The following TMEM117 variants were observed in gnomAD, a reference collection of about 807,000 sequenced individuals.
TMEM117 encodes transmembrane protein 117.
TMEM117 carries 27 observed loss-of-function variants against 52.4 expected under a neutral mutation model. That is an observed-to-expected ratio of 0.51 (90% confidence interval 0.38 to 0.71). The LOEUF (loss-of-function observed/expected upper bound fraction) is 0.71. TMEM117 is among the 30% of genes least tolerant of loss of function. TMEM117 has a pLI of 0.00. For synonymous variants in TMEM117, 215 were observed against 206.3 expected (o/e 1.04, Z -0.36); for missense variants, 556 against 630.5 (o/e 0.88, Z 1.26).
chr12:43,797,228 A>G, the TMEM117 span: 38 of 1,492,892 alleles, frequency 2.5e-5, no homozygotes, highest in Admixed American at 2.0e-4. Flanking sequence ...TGGGCAAGAA[A>G]TAAGTAAGAA....
At chr12:43,932,349 T>C (rs1944884812) in intron 2 of TMEM117, among the ~76,000 whole-genome samples, 1 of 151,726 alleles carries the variant, frequency 6.6e-6, no homozygotes, top group Non-Finnish European at 1.5e-5. Context: ...TTTTTTTTTT[T>C]TTTTCAGAAC....
intron 3 of TMEM117, among the ~76,000 whole-genome samples, chr12:43,947,301 C>T (rs562507746): frequency 5.3e-5 from 8 of 152,208 alleles, no homozygotes; most frequent in African/African-American, 1.9e-4. Context: ...TGTTACTGCA[C>T]TCCAGCCTGG....
intron 2 of TMEM117, among the ~76,000 whole-genome samples, chr12:43,878,324 C>T (rs76379399): frequency 0.015 from 2,249 of 151,978 alleles, 25 homozygotes; most frequent in Non-Finnish European, 0.022. Context: ...TAAACTGTTG[C>T]GATTTCTCAA....
At chr12:44,067,080 A>G (rs1448609431) in intron 3 of TMEM117, among the ~76,000 whole-genome samples, 1 of 148,876 alleles carries the variant, frequency 6.7e-6, no homozygotes, top group Non-Finnish European at 1.5e-5. Context: ...GCTCATTTAT[A>G]AGAAGCAACT....
the TMEM117 span, among the ~76,000 whole-genome samples, chr12:43,820,423 GC>G: frequency 6.6e-6 from 1 of 152,080 alleles, no homozygotes; most frequent in African/African-American, 2.4e-5. Flanking sequence ...ACAGACGCCG[GC>G]CACCACGCCC....
intron 3 of TMEM117, among the ~76,000 whole-genome samples, chr12:43,954,038 C>G (rs185437748): frequency 1.6e-3 from 249 of 152,306 alleles, no homozygotes; most frequent in African/African-American, 5.7e-3. Flanking sequence ...ATTGAACAAC[C>G]TGTTCCTGAA....
intron 6 of TMEM117, among the ~76,000 whole-genome samples, chr12:44,312,110 T>C (rs1353221397): frequency 6.6e-6 from 1 of 151,878 alleles, no homozygotes; most frequent in Non-Finnish European, 1.5e-5. Flanking sequence ...GTTTGTTACA[T>C]GAGTATATTG....
rs1949197275 is a variant in TMEM117, at chr12:44,181,433, C to G, written c.511-29857C>G. The stretch of plus-strand genomic sequence containing the variant: ...TTAGACATGAAGTCCTTGCCCATGC[C>G]TATGTCCTGAATGGTAATGCCTAGG... On this transcript the variant is annotated intron_variant, in intron 4 of 7. Coordinates refer to ENST00000266534, the MANE Select transcript of TMEM117 (RefSeq NM_032256.3). Among the ~76,000 whole-genome samples, 4 of 151,176 alleles carry G rather than the reference C, an allele frequency of 2.6e-5. No individual in the cohort carries two copies. The East Asian group carries it at 5.8e-4, about 22-fold the overall frequency.
the TMEM117 span, chr12:43,804,346 G>A: frequency 1.6e-6 from 1 of 617,158 alleles, no homozygotes; most frequent in Non-Finnish European, 2.9e-6. Flanking sequence ...ATAGGGACCT[G>A]CACAAAATAT....
chr12:43,898,554 G>A (rs1944251872), intron 2 of TMEM117, among the ~76,000 whole-genome samples: 1 of 151,926 alleles, frequency 6.6e-6, no homozygotes, highest in African/African-American at 2.4e-5. Context: ...CATCTCATCT[G>A]TAATCCACTT....
At chr12:44,094,038 ATCTACTTTAGCTGTG>A (rs142502406) in intron 3 of TMEM117, among the ~76,000 whole-genome samples, 4,633 of 152,208 alleles carry the variant, frequency 0.03, 156 homozygotes, top group African/African-American at 0.083. Flanking sequence ...ACATGGAAGA[ATCTACTTTAGCTGTG>A]TCCCTTATGA....
rs573085063 is a variant in TMEM117, at chr12:43,865,949, T to C, written c.277+21021T>C. On this transcript the variant is annotated intron_variant, in intron 2 of 7. Transcript: ENST00000266534. The stretch of plus-strand genomic sequence containing the variant: ...AGTCCAGTTTAAAATTAAAGTTTAT[T>C]GTACATACAAAAAACCAGGACAGTG... 5.9e-5 allele frequency among the ~76,000 whole-genome samples: 9 copies of C among 151,938 alleles called. No individual in the cohort carries two copies. In the South Asian group the frequency reaches 1.9e-3, roughly 31 times the overall value.
intron 6 of TMEM117, among the ~76,000 whole-genome samples, chr12:44,337,921 A>T (rs1382701939): frequency 2.6e-5 from 4 of 152,118 alleles, no homozygotes; most frequent in African/African-American, 7.2e-5. Flanking sequence ...GGGAGCAGCC[A>T]TGAATGATTA....
At chr12:43,961,217 GA>G (rs1393189524) in intron 3 of TMEM117, among the ~76,000 whole-genome samples, 1 of 151,982 alleles carries the variant, frequency 6.6e-6, no homozygotes, top group Non-Finnish European at 1.5e-5. Flanking sequence ...TATAAAAACA[GA>G]AAACATATAT....
At chr12:44,213,358 G>A (rs1264182992) in intron 5 of TMEM117, among the ~76,000 whole-genome samples, 3 of 152,086 alleles carry the variant, frequency 2.0e-5, no homozygotes, top group South Asian at 4.1e-4. Flanking sequence ...TGTTTAGGTA[G>A]GGTGCTAAAG....
At chr12:44,312,303 T>C (rs1025267526) in intron 6 of TMEM117, among the ~76,000 whole-genome samples, 8 of 152,108 alleles carry the variant, frequency 5.3e-5, no homozygotes, top group African/African-American at 1.9e-4. Context: ...CTTGTTGCCA[T>C]CTTTATGTTC....
chr12:44,173,844 T>C (rs1450948673), intron 4 of TMEM117, among the ~76,000 whole-genome samples: 1 of 152,080 alleles, frequency 6.6e-6, no homozygotes, highest in Non-Finnish European at 1.5e-5. Context: ...TTTCTTCTAG[T>C]TATTTATGGG....
At chr12:43,797,170 T>C in the TMEM117 span, 1 of 1,493,962 alleles carries the variant, frequency 6.7e-7, no homozygotes, top group South Asian at 1.3e-5. Flanking sequence ...ATATATAAAC[T>C]TCATAAAAAC....
chr12:43,812,734 G>A, the TMEM117 span, among the ~76,000 whole-genome samples: 35 of 152,064 alleles, frequency 2.3e-4, no homozygotes, highest in Non-Finnish European at 4.0e-4. Flanking sequence ...GGTCGGGTGC[G>A]GTGGCTCATG....
Sources: allele counts gnomAD v4.1 joint callset (sites outside exome capture counted in the v4.1 genomes callset), GRCh38; gene constraint gnomAD v4.1.1; transcripts MANE v1.5; gene names NCBI Gene and HGNC (gene_info 2026-07-23, HGNC 2026-07-21).